Variants in TRIM2 observed in about 807,000 individuals in gnomAD.
TRIM2 encodes the protein tripartite motif-containing protein 2.
In TRIM2, 20 loss-of-function variants were observed where a neutral mutation model predicts 75.2. The ratio of observed to expected loss-of-function variants is 0.27; its 90% CI spans 0.19 to 0.39. The LOEUF is 0.39. Among genes scored for constraint, TRIM2 ranks in the 10% least tolerant of loss-of-function variants. TRIM2 has a pLI of 1.00. For synonymous variants in TRIM2, 373 were observed against 388.3 expected (o/e 0.96, Z 0.46); for missense variants, 660 against 990.8 (o/e 0.67, Z 4.48).
rs140287414 is a variant in TRIM2 at position 153,220,621 on chromosome 4, A to G, written c.30+16061A>G. Among the ~76,000 whole-genome samples the G allele has an allele frequency of 1.2e-4, 19 of 152,364 alleles. No homozygotes were observed. In the East Asian group the frequency reaches 3.5e-3, roughly 28 times the overall value. ...GGGCAAATAGTGTTGGTTTTGCAAC[A>G]ATGTAAATGTACTGTTCACAGTATA... is the stretch of plus-strand genomic sequence containing the variant. On this transcript the variant is annotated intron_variant, in intron 1 of 11. Transcript: ENST00000338700.
chr4:153,244,435 C>CTTCTTCTTCTTCTT, intron 1 of TRIM2, among the ~76,000 whole-genome samples: 1 of 86,750 alleles, frequency 1.2e-5, no homozygotes, highest in Non-Finnish European at 2.0e-5. Flanking sequence ...TCTTCTTCTT[C>CTTCTTCTTCTTCTT]TTTTAATTAG....
intron 6 of TRIM2, among the ~76,000 whole-genome samples, chr4:153,301,249 G>A (rs2150170578): frequency 6.6e-6 from 1 of 151,724 alleles, no homozygotes; most frequent in East Asian, 1.9e-4. Flanking sequence ...TACAAACTCT[G>A]GGCTCAATAG....
chr4:153,200,230 C>T (rs1264430871), upstream of TRIM2, among the ~76,000 whole-genome samples: 1 of 152,106 alleles, frequency 6.6e-6, no homozygotes, highest in Non-Finnish European at 1.5e-5. Flanking sequence ...TGTGCTCAGC[C>T]GGCCAGCTAA....
chr4:153,326,147 C>A (rs928431783), intron 10 of TRIM2, among the ~76,000 whole-genome samples: 1 of 152,210 alleles, frequency 6.6e-6, no homozygotes, highest in African/African-American at 2.4e-5. Flanking sequence ...AAAAGCAAAG[C>A]TGTAAAAACT....
rs202178762 is a variant in TRIM2, at chr4:153,307,448, TA to T, written c.1511-8036del. On this transcript the variant is annotated intron_variant, in intron 6 of 11. Transcript: ENST00000338700. ...TCAGAGACTTTACAGGAAAAAAATA[TA>T]TATTTTTTTACTTGTTTCTAAAGTA... 6.7e-3 allele frequency among the ~76,000 whole-genome samples: 1,022 copies of T among 152,248 alleles called. 11 individuals are homozygous for T. Among genetic ancestry groups the T allele is most frequent in the African/African-American group, 0.023 (963 of 41,528 alleles).
intron 8 of TRIM2, among the ~76,000 whole-genome samples, chr4:153,317,126 C>T (rs1767827918): frequency 6.7e-6 from 1 of 149,982 alleles, no homozygotes; most frequent in Non-Finnish European, 1.5e-5. Context: ...ATGATCCGCC[C>T]GCCTCGGCCT....
At chr4:153,307,446 T>A (rs544840882) in intron 6 of TRIM2, among the ~76,000 whole-genome samples, 24 of 151,562 alleles carry the variant, frequency 1.6e-4, no homozygotes, top group East Asian at 3.9e-4. Context: ...AGGAAAAAAA[T>A]ATATATTTTT....
intron 6 of TRIM2, 65 bp from the exon 7 acceptor site, chr4:153,315,420 C>T (rs1281832230): frequency 7.7e-7 from 1 of 1,303,040 alleles, no homozygotes; most frequent in East Asian, 2.4e-5. Flanking sequence ...GAATTATTCT[C>T]TTGCTGAAAC....
At chr4:153,322,046 T>C (rs373481016) in intron 8 of TRIM2, among the ~76,000 whole-genome samples, 1 of 152,192 alleles carries the variant, frequency 6.6e-6, no homozygotes, top group East Asian at 1.9e-4. Context: ...ACACCGCCTC[T>C]TCAGCAGGGA....
At chr4:153,257,917 A>G (rs1261282628) in intron 1 of TRIM2, among the ~76,000 whole-genome samples, 4 of 152,166 alleles carry the variant, frequency 2.6e-5, no homozygotes, top group Admixed American at 2.6e-4. Flanking sequence ...TGCTTAAACA[A>G]AGGCACCAAA....
intron 1 of TRIM2, among the ~76,000 whole-genome samples, chr4:153,173,950 G>C (rs1731143568): frequency 6.6e-6 from 1 of 151,986 alleles, no homozygotes. Context: ...GGGTGACAAA[G>C]TGAGACTGTC....
upstream of TRIM2, among the ~76,000 whole-genome samples, chr4:153,202,878 G>A (rs533050091): frequency 6.6e-6 from 1 of 151,820 alleles, no homozygotes; most frequent in Non-Finnish European, 1.5e-5. Context: ...AGGCCGAGGT[G>A]GGCAGATCAC....
In TRIM2 at chr4:153,294,347, C is replaced by G. The variant is rs1352327505; in HGVS notation, c.648C>G (p.Ile216Met). The change falls in exon 5 of 12, where the codon ATC becomes ATG. Residue 216 changes from isoleucine (I) to methionine (M), a missense_variant. Coordinates refer to ENST00000338700, the MANE Select transcript of TRIM2 (RefSeq NM_015271.5). ...CTGCTCTTCAGTTCATCTCTGAAAT[C>G]ATTCATCAGTTAACCAACCAAAAGG... ...IDSALQFISE[I>M]IHQLTNQKAS... 1.2e-6 allele frequency: 2 copies of G among 1,614,038 alleles called. No homozygotes were observed. The highest frequency in any genetic ancestry group is 4.5e-5 in the East Asian group (2 of 44,894).
Position 153,280,384 on chromosome 4 carries a change from C to CTT in TRIM2, c.453+4269_453+4270dup, listed in dbSNP as rs3048122. Among the ~76,000 whole-genome samples the CTT allele has an allele frequency of 1.2e-4, 14 of 116,980 alleles. 3 individuals are homozygous for CTT. Among genetic ancestry groups the CTT allele is most frequent in the East Asian group, 2.3e-4 (1 of 4,430 alleles). The allele number at this position is 116,980 out of a possible 152,430, so 76.7% of individuals were successfully genotyped here. ...TTAATTAAAATACCCCAGCAAATTC[C>CTT]TTTTTTTTTTTTTTTTGCTGGGTCT... On this transcript the variant is annotated intron_variant, in intron 3 of 11. Coordinates refer to ENST00000338700, the MANE Select transcript of TRIM2 (RefSeq NM_015271.5).
chr4:153,307,747 G>A (rs981190914), intron 6 of TRIM2: 18 of 653,756 alleles, frequency 2.8e-5, no homozygotes, highest in East Asian at 1.2e-4. Context: ...CTGGACGCTC[G>A]TGCTGTGTCG....
intron 1 of TRIM2, among the ~76,000 whole-genome samples, chr4:153,231,053 A>AC (rs1156429264): frequency 2.0e-5 from 3 of 152,222 alleles, no homozygotes; most frequent in African/African-American, 7.2e-5. Context: ...CAGGACTCAC[A>AC]CCTAGGATGT....
intron 1 of TRIM2, among the ~76,000 whole-genome samples, chr4:153,176,445 C>T (rs909324721): frequency 4.0e-5 from 6 of 150,698 alleles, no homozygotes; most frequent in Non-Finnish European, 7.4e-5. Flanking sequence ...AGAGTGAGAT[C>T]CTGTGTCAAA....
intron 1 of TRIM2, among the ~76,000 whole-genome samples, chr4:153,253,420 C>T (rs1372732916): frequency 6.6e-6 from 1 of 152,150 alleles, no homozygotes; most frequent in African/African-American, 2.4e-5. Context: ...CATAGTGCCC[C>T]TTCACATTTC....
At chr4:153,325,258 G>A (rs952206989) in intron 10 of TRIM2, among the ~76,000 whole-genome samples, 2 of 152,312 alleles carry the variant, frequency 1.3e-5, no homozygotes, top group African/African-American at 2.4e-5. Context: ...AGACAGTAGC[G>A]CACAGTGGGC....
Sources: gnomAD v4.1 joint callset for allele counts (sites outside exome capture counted in the v4.1 genomes callset) on GRCh38, gnomAD v4.1.1 for gene constraint, MANE v1.5 for transcripts, NCBI Gene and HGNC (gene_info 2026-07-23, HGNC 2026-07-21) for gene names.